The following NRG1 variants were observed in gnomAD, a reference collection of about 807,000 sequenced individuals.
NRG1 encodes the protein neuregulin 1.
NRG1 carries 18 observed loss-of-function variants against 63.8 expected under a neutral mutation model. That is an observed-to-expected ratio of 0.28 (90% CI 0.19 to 0.42). The LOEUF (loss-of-function observed/expected upper bound fraction) is 0.42, where lower values mean the gene tolerates loss of function less well. Ranked by LOEUF, NRG1 falls within the 10% of genes least tolerant of loss-of-function variation. NRG1 has a pLI of 1.00. For missense variants in NRG1, 762 were observed against 814.7 expected (o/e 0.94, Z 0.79); for synonymous variants, 302 against 301.3 (o/e 1.00, Z -0.02).
At chr8:32,471,615 G>A (rs911981190) in intron 1 of NRG1, among the ~76,000 whole-genome samples, 8 of 152,052 alleles carry the variant, frequency 5.3e-5, no homozygotes, top group East Asian at 3.9e-4. Flanking sequence ...AAAGCCTTAC[G>A]TATTTTTTAA....
At chr8:32,308,679 CTA>C (rs1856492830) in intron 1 of NRG1, among the ~76,000 whole-genome samples, 1 of 152,198 alleles carries the variant, frequency 6.6e-6, no homozygotes, top group Admixed American at 6.5e-5. Flanking sequence ...CCCTGTGTAG[CTA>C]CCACCACAAA....
chr8:31,667,159 C>T (rs1806634031), intron 1 of NRG1, among the ~76,000 whole-genome samples: 1 of 152,156 alleles, frequency 6.6e-6, no homozygotes, highest in Non-Finnish European at 1.5e-5. Flanking sequence ...TCTTAATTCC[C>T]TGCAAAGACT....
chr8:31,695,906 A>G (rs1401024591), intron 1 of NRG1, among the ~76,000 whole-genome samples: 4 of 152,180 alleles, frequency 2.6e-5, no homozygotes, highest in Non-Finnish European at 4.4e-5. Flanking sequence ...TGGAAGGGAC[A>G]AGTCACCTCA....
At chr8:32,366,290 G>T (rs1218141005) in intron 1 of NRG1, among the ~76,000 whole-genome samples, 1 of 152,012 alleles carries the variant, frequency 6.6e-6, no homozygotes, top group Non-Finnish European at 1.5e-5. Context: ...ACTAGAGCTT[G>T]TTCCTTCTGT....
intron 5 of NRG1, among the ~76,000 whole-genome samples, chr8:32,641,276 C>T (rs1384304600): frequency 2.0e-5 from 3 of 151,844 alleles, no homozygotes; most frequent in Admixed American, 6.6e-5. Flanking sequence ...AAAGGGTAGC[C>T]GACACATAAC....
chr8:32,229,859 T>C (rs1233426280), intron 1 of NRG1, among the ~76,000 whole-genome samples: 2 of 152,060 alleles, frequency 1.3e-5, no homozygotes, highest in African/African-American at 2.4e-5. Flanking sequence ...TTTTTTTTCT[T>C]ACTAGAACGC....
At chr8:32,490,562 T>C (rs1186622903) in intron 1 of NRG1, among the ~76,000 whole-genome samples, 2 of 152,154 alleles carry the variant, frequency 1.3e-5, no homozygotes, top group African/African-American at 4.8e-5. Context: ...AGCATTCTAT[T>C]GGTATCATTG....
rs903924436 is a variant in NRG1, at chr8:32,356,479, C to A, written c.38-239349C>A. 3.1e-4 allele frequency among the ~76,000 whole-genome samples: 38 copies of A among 123,190 alleles called. 1 individual carries two copies. Among genetic ancestry groups the A allele is most frequent in the African/African-American group, 1.1e-3 (36 of 32,528 alleles). The allele number at this position is 123,190 out of a possible 152,430, so 80.8% of individuals were successfully genotyped here. On this transcript the variant is annotated intron_variant, in intron 1 of 10. Coordinates refer to the NRG1 transcript ENST00000519301. The stretch of plus-strand genomic sequence containing the variant: ...CACAGAGTTTCCTTGTTGGGACCCC[C>A]CCCCCACCCGCCGGGCCCCACCCCG...
At chr8:31,967,189 C>T (rs1806495377) in intron 1 of NRG1, among the ~76,000 whole-genome samples, 1 of 152,108 alleles carries the variant, frequency 6.6e-6, no homozygotes, top group Admixed American at 6.6e-5. Flanking sequence ...AAGGATGTAA[C>T]TAGTGGGCAA....
intron 1 of NRG1, among the ~76,000 whole-genome samples, chr8:31,918,855 T>A (rs1585750109): frequency 6.6e-6 from 1 of 152,040 alleles, no homozygotes; most frequent in East Asian, 1.9e-4. Flanking sequence ...GTTGGTAAGC[T>A]ATTGATTATT....
At chr8:32,649,152 G>A (rs1023326631) in intron 5 of NRG1, among the ~76,000 whole-genome samples, 5 of 148,592 alleles carry the variant, frequency 3.4e-5, no homozygotes, top group Non-Finnish European at 1.5e-5. Context: ...CCATTAGTGA[G>A]GTACATCTTT....
chr8:31,813,725 T>C (rs1823160034), intron 1 of NRG1, among the ~76,000 whole-genome samples: 1 of 151,892 alleles, frequency 6.6e-6, no homozygotes, highest in African/African-American at 2.4e-5. Context: ...ACAAGGTTTG[T>C]CATGTTGTCC....
At chr8:32,038,258 G>A (rs1007871050) in intron 1 of NRG1, among the ~76,000 whole-genome samples, 2 of 152,154 alleles carry the variant, frequency 1.3e-5, no homozygotes, top group African/African-American at 2.4e-5. Context: ...CGCAGGCTCC[G>A]GGTGGGCCCT....
chr8:32,737,367 A>G (rs768980610), intron 6 of NRG1, among the ~76,000 whole-genome samples: 5 of 152,212 alleles, frequency 3.3e-5, no homozygotes, highest in Non-Finnish European at 7.4e-5. Context: ...CCTGACCAAC[A>G]TGGCAAAACC....
At chr8:31,753,957 A>G (rs1028853111) in intron 1 of NRG1, among the ~76,000 whole-genome samples, 1 of 152,150 alleles carries the variant, frequency 6.6e-6, no homozygotes, top group Non-Finnish European at 1.5e-5. Context: ...GAACTGAAAC[A>G]CATCCTTCTA....
intron 1 of NRG1, among the ~76,000 whole-genome samples, chr8:31,749,234 A>G (rs548879952): frequency 3.9e-4 from 60 of 152,062 alleles, no homozygotes; most frequent in African/African-American, 1.4e-3. Context: ...AAATGTATAC[A>G]GATTGGATAT....
At chr8:32,267,479 C>G (rs1377215177) in intron 1 of NRG1, among the ~76,000 whole-genome samples, 8 of 152,156 alleles carry the variant, frequency 5.3e-5, no homozygotes, top group Non-Finnish European at 1.0e-4. Flanking sequence ...ATAGTGTTTT[C>G]TCAGAGGACC....
chr8:31,779,433 C>T (rs997337780), intron 1 of NRG1, among the ~76,000 whole-genome samples: 9 of 151,078 alleles, frequency 6.0e-5, no homozygotes, highest in African/African-American at 1.2e-4. Flanking sequence ...GCATTGAAAA[C>T]GCTTGTTCGG....
intron 1 of NRG1, among the ~76,000 whole-genome samples, chr8:31,664,324 A>C (rs1377249373): frequency 2.6e-5 from 4 of 152,112 alleles, no homozygotes; most frequent in African/African-American, 9.7e-5. Context: ...GATTTAAATG[A>C]GTGGAGAAGG....
Sources: gnomAD v4.1 joint callset for allele counts (sites outside exome capture counted in the v4.1 genomes callset) on GRCh38, gnomAD v4.1.1 for gene constraint, MANE v1.5 for transcripts, NCBI Gene and HGNC (gene_info 2026-07-23, HGNC 2026-07-21) for gene names.